COL2A1: variants seen among roughly 807,000 people sequenced by gnomAD.
The protein encoded by COL2A1 is collagen alpha-1(II) chain.
A neutral mutation model predicts 204.5 loss-of-function variants in COL2A1; 28 were observed. That is an observed-to-expected ratio of 0.14 (90% confidence interval 0.10 to 0.19). The LOEUF (loss-of-function observed/expected upper bound fraction) is 0.19, where lower values mean the gene tolerates loss of function less well. Among genes scored for constraint, COL2A1 ranks in the 10% least tolerant of loss-of-function variants. COL2A1 has a pLI of 1.00. For synonymous variants in COL2A1, 708 were observed against 718.7 expected (o/e 0.99, Z 0.24); for missense variants, 1,388 against 2,027.5 (o/e 0.68, Z 6.06).
chr12:47,993,522 G>A lies in COL2A1; in HGVS notation c.925-20C>T, dbSNP rs764168800. 3.7e-6 allele frequency: 6 copies of A among 1,611,862 alleles called. No homozygotes were observed. In the African/African-American group the frequency reaches 4.0e-5, roughly 11 times the overall value. On this transcript the variant is annotated intron_variant, in intron 14 of 53. Transcript: ENST00000380518. ...CTCACCCTGGAAAAATGATGCACAA[G>A]GTCAGTGTCTGGGACCCCATTCTTG... is the stretch of plus-strand genomic sequence containing the variant.
chr12:47,990,448 C>T (rs932706845), intron 16 of COL2A1, among the ~76,000 whole-genome samples: 1 of 152,226 alleles, frequency 6.6e-6, no homozygotes. Context: ...AGCGAGGCAA[C>T]CATGTGGACT....
rs761777584 is a variant in COL2A1 at position 47,982,603 on chromosome 12, A to T, written c.2200T>A (p.Ser734Thr). The part of the protein sequence containing the change: ...TPGTDGPKGA[S>T]GPAGPPGAQG... ...GCCCCAGGGGGGCCTGCTGGGCCAGATGCACCCTGGGGAGGGAGGTAAGAG... is the reference window on the plus strand; with the variant it reads ...GCCCCAGGGGGGCCTGCTGGGCCAGTTGCACCCTGGGGAGGGAGGTAAGAG... The change falls in exon 34 of 54, where the codon TCT becomes ACT. Residue 734 changes from serine to threonine, a missense_variant. Ser to Thr is a moderately conservative substitution (Grantham distance 58). This residue lies in a region of COL2A1 where 884 missense variants were observed against 1,415.8 expected (regional missense o/e 0.62). Transcript: ENST00000380518. 10 of 1,611,172 alleles carry T rather than the reference A, an allele frequency of 6.2e-6. No homozygotes were observed. Among genetic ancestry groups the T allele is most frequent in the Non-Finnish European group, 8.5e-6 (10 of 1,178,292 alleles).
chr12:48,004,280 C>A lies in COL2A1; in HGVS notation c.42G>T (p.Thr14=). ...ACCGAAGGACAGCGGCGACGAGCAG[C>A]GTCAGCAGCACCAGCGTCTGGGGAG... ...LGAPQTLVLL[T]LLVAAVLRCQ... The change falls in exon 1 of 54, where the codon ACG becomes ACT. Residue 14 remains threonine (T), a synonymous_variant. Transcript: ENST00000380518. 4 of 1,550,306 alleles carry A rather than the reference C, an allele frequency of 2.6e-6. No individual in the cohort carries two copies. Among genetic ancestry groups the A allele is most frequent in the Non-Finnish European group, 3.5e-6 (4 of 1,146,476 alleles).
intron 41 of COL2A1, among the ~76,000 whole-genome samples, chr12:47,979,110 C>T (rs1364529062): frequency 6.6e-6 from 1 of 152,102 alleles, no homozygotes; most frequent in Non-Finnish European, 1.5e-5. Flanking sequence ...CACTCTCTCC[C>T]TCTGCCTATG....
At chr12:47,989,099 G>T (rs779386467) in intron 18 of COL2A1, 129 bp downstream of exon 18, 3 of 770,644 alleles carry the variant, frequency 3.9e-6, no homozygotes, top group Non-Finnish European at 4.5e-6. Flanking sequence ...GGGGCCAGTG[G>T]GTGGGGTGGT....
chr12:47,979,624 A>T, intron 40 of COL2A1, 60 bp from the exon 41 acceptor site: 1 of 533,196 alleles, frequency 1.9e-6, no homozygotes, highest in Non-Finnish European at 3.6e-6. Context: ...TGAGATTAAA[A>T]TGGGCGGGGG....
Position 47,976,767 on chromosome 12 carries a change from G to T in COL2A1, c.3435+45C>A. ...CACAGGGAGCTCAAGTGGGCTCTGTGTGGCAGGAGGCCTCGGGAAGTCCCA... is the reference window on the plus strand; with the variant it reads ...CACAGGGAGCTCAAGTGGGCTCTGTTTGGCAGGAGGCCTCGGGAAGTCCCA... On this transcript the variant is annotated intron_variant, in intron 48 of 53. Transcript: ENST00000380518. The surrounding 1 kb of genome is among the most constrained non-coding windows in gnomAD (Gnocchi z 4.3). 6.4e-7 allele frequency: 1 copy of T among 1,555,494 alleles called. No homozygotes were observed. Among genetic ancestry groups the T allele is most frequent in the Non-Finnish European group, 8.8e-7 (1 of 1,134,736 alleles).
chr12:47,995,115 C>T (rs534893996), intron 11 of COL2A1, 140 bp downstream of exon 11: 31 of 735,114 alleles, frequency 4.2e-5, no homozygotes, highest in Middle Eastern at 3.5e-4. Flanking sequence ...TAGGAGATGG[C>T]GTCAGGGTTT....
chr12:47,976,812 A>T lies in COL2A1; in HGVS notation c.3435T>A (p.Pro1145=). ...FTGLQGLPGP[P]GPSGDQGASG... ...GTCCCACGCAGGCAGTGACACTCAC[A>T]GGAGGGCCGGGCAGACCCTGCAGAC... Residue 1145 remains proline, a splice_region_variant and synonymous_variant, in exon 48 of 54, where the codon CCT becomes CCA. Coordinates refer to ENST00000380518, the MANE Select transcript of COL2A1 (RefSeq NM_001844.5). The surrounding 1 kb of genome is among the most constrained non-coding windows in gnomAD (Gnocchi z 4.3). 1.2e-6 allele frequency: 2 copies of T among 1,612,220 alleles called. No individual in the cohort carries two copies. Among genetic ancestry groups the T allele is most frequent in the Non-Finnish European group, 1.7e-6 (2 of 1,179,190 alleles).
intron 1 of COL2A1, among the ~76,000 whole-genome samples, chr12:48,001,620 G>T (rs909578381): frequency 1.3e-5 from 2 of 152,202 alleles, no homozygotes; most frequent in African/African-American, 4.8e-5. Flanking sequence ...AGGGCGGCCC[G>T]GGAAGCGCCG....
At chr12:47,986,508 C>CA (rs1939421147) in intron 22 of COL2A1, 65 bp from the exon 23 acceptor site, 1 of 1,044,322 alleles carries the variant, frequency 9.6e-7, no homozygotes, top group Non-Finnish European at 1.5e-6. Context: ...AGCCTCGACT[C>CA]AGAGTATGAA....
In COL2A1 at chr12:47,977,079, G is replaced by A. The variant is rs562808000; in HGVS notation, c.3327+23C>T. Reference sequence around the variant, plus strand: ...CCAGCCTATCCCTGGTGGGGACTCAGTGCAGGACACTTGGATACTCACCTG... The same window carrying A: ...CCAGCCTATCCCTGGTGGGGACTCAATGCAGGACACTTGGATACTCACCTG... On this transcript the variant is annotated intron_variant, in intron 47 of 53. Transcript: ENST00000380518. The A allele has an allele frequency of 1.1e-5, 17 of 1,598,164 alleles. 1 individual carries two copies. In the African/African-American group the frequency reaches 1.7e-4, roughly 16 times the overall value.
chr12:47,981,988 C>T, intron 35 of COL2A1, 119 bp downstream of exon 35: 1 of 1,304,300 alleles, frequency 7.7e-7, no homozygotes. Context: ...AGTTGCCCAG[C>T]CCCGACAGAG....
In COL2A1 at chr12:47,978,550, C is replaced by T. The variant is rs73297157; in HGVS notation, c.2895+47G>A. 1,516 of 1,611,618 alleles carry T rather than the reference C, an allele frequency of 9.4e-4. 12 individuals are homozygous for T. The African/African-American group carries it at 0.017, about 18-fold the overall frequency. ...GCTCTGTGAGCTCAGAAGCCACTCACGACCCTGCTCCCAGGGACCTTGGCA... is the reference window on the plus strand; with the variant it reads ...GCTCTGTGAGCTCAGAAGCCACTCATGACCCTGCTCCCAGGGACCTTGGCA... On this transcript the variant is annotated intron_variant, in intron 42 of 53. Transcript: ENST00000380518. This position sits in a 1 kb window ranked among gnomAD's most constrained non-coding sequence, Gnocchi z 5.5.
chr12:47,999,866 C>G, intron 2 of COL2A1, 53 bp downstream of exon 2: 1 of 1,492,480 alleles, frequency 6.7e-7, no homozygotes, highest in Non-Finnish European at 9.3e-7. Context: ...AGCGTGTTTG[C>G]AGTGCTTGCA....
In COL2A1 at chr12:47,982,544, G is replaced by C. The variant is rs781062223; in HGVS notation, c.2259C>G (p.Gly753=). 1.2e-6 allele frequency: 2 copies of C among 1,613,872 alleles called. No individual in the cohort carries two copies. Residue 753 remains glycine, a synonymous_variant, in exon 34 of 54, where the codon GGC becomes GGG. Transcript: ENST00000380518. ...CAGCGATACCAGCTGCTCCCCTCTC[G>C]CCAGGCATTCCCTGAAGACCTGGAG... ...QGPPGLQGMP[G]ERGAAGIAGP... is the part of the protein sequence containing the mutation.
chr12:47,974,600 A>G (rs1296384109), intron 52 of COL2A1, 75 bp downstream of exon 52: 1 of 1,542,732 alleles, frequency 6.5e-7, no homozygotes, highest in Admixed American at 1.7e-5. Context: ...AGGTGCTAAA[A>G]GCTTCCAGGG....
Position 47,973,520 on chromosome 12 carries a change from C to G in COL2A1, c.4351G>C (p.Glu1451Gln). 1 of 1,614,080 alleles carries G rather than the reference C, an allele frequency of 6.2e-7. No individual in the cohort carries two copies. Among genetic ancestry groups the G allele is most frequent in the Admixed American group, 1.7e-5 (1 of 60,006 alleles). Residue 1451 changes from glutamate (E) to glutamine (Q), a missense_variant, in exon 54 of 54, where the codon GAG becomes CAG. Glu to Gln is a conservative substitution (Grantham distance 29). This residue lies in a region of COL2A1 where 303 missense variants were observed against 369.2 expected (regional missense o/e 0.82). Transcript: ENST00000380518. ...CGTGAGGTCTTCTGTGACCGGTACT[C>G]GATAACAGTCTTGCCCCACTTACCG... ...HTGKWGKTVI[E>Q]YRSQKTSRLP...
At chr12:47,982,448 C>A in intron 34 of COL2A1, 54 bp downstream of exon 34, 4 of 1,429,010 alleles carry the variant, frequency 2.8e-6, no homozygotes, top group Non-Finnish European at 2.0e-6. Flanking sequence ...TCACAAGGGG[C>A]AGGAATGTGG....
Sources: gnomAD v4.1 joint callset for allele counts (sites outside exome capture counted in the v4.1 genomes callset) on GRCh38, gnomAD v4.1.1 for gene constraint, gnomAD v4.1.1 regional missense constraint, Gnocchi (gnomAD v3.1) non-coding constraint, MANE v1.5 for transcripts, NCBI Gene and HGNC (gene_info 2026-07-23, HGNC 2026-07-21) for gene names.